ZMYND8: variants seen among roughly 807,000 people sequenced by gnomAD.
The protein encoded by ZMYND8 is MYND-type zinc finger-containing chromatin reader ZMYND8.
In ZMYND8, 37 loss-of-function variants were observed where a neutral mutation model predicts 140.8. The ratio of observed to expected loss-of-function variants is 0.26; its 90% CI spans 0.20 to 0.35. The LOEUF (loss-of-function observed/expected upper bound fraction) is 0.35, where lower values mean the gene tolerates loss of function less well. Ranked by LOEUF, ZMYND8 falls within the 10% of genes least tolerant of loss-of-function variation. ZMYND8 has a pLI of 1.00. For missense variants in ZMYND8, 1,068 were observed against 1,570.0 expected (o/e 0.68, Z 5.40); for synonymous variants, 592 against 597.1 (o/e 0.99, Z 0.12).
chr20:47,266,195 T>C (rs1053162830), intron 11 of ZMYND8, among the ~76,000 whole-genome samples: 1 of 148,132 alleles, frequency 6.8e-6, no homozygotes. Flanking sequence ...ACCTGCCTTG[T>C]CCTCCCAATA....
chr20:47,265,037 C>CAAAAAAAAAAA (rs1487791973), intron 11 of ZMYND8, among the ~76,000 whole-genome samples: 3 of 89,700 alleles, frequency 3.3e-5, no homozygotes, highest in African/African-American at 1.3e-4. Context: ...ACCCTGTCCC[C>CAAAAAAAAAAA]AAAAAAATAT....
chr20:47,286,120 C>A (rs1164641956), intron 8 of ZMYND8, among the ~76,000 whole-genome samples: 2 of 150,824 alleles, frequency 1.3e-5, no homozygotes, highest in Admixed American at 6.6e-5. Context: ...TGAGACCCTG[C>A]CTCAAAAAAT....
chr20:47,211,180 G>A (rs1271856436), intron 22 of ZMYND8, among the ~76,000 whole-genome samples: 1 of 152,224 alleles, frequency 6.6e-6, no homozygotes, highest in Non-Finnish European at 1.5e-5. Context: ...TGCCAAGGAA[G>A]GCATTTCTTG....
chr20:47,252,230 T>C (rs1292528669), intron 12 of ZMYND8, among the ~76,000 whole-genome samples: 1 of 141,248 alleles, frequency 7.1e-6, no homozygotes, highest in African/African-American at 2.7e-5. Flanking sequence ...GAGGCGAAGG[T>C]TGCAGTGAGC....
rs573963548 is a variant in ZMYND8, at chr20:47,240,241, G to A, written c.2285-1103C>T. Among the ~76,000 whole-genome samples, 4 of 146,144 alleles carry A rather than the reference G, an allele frequency of 2.7e-5. No homozygotes were observed. The East Asian group carries it at 8.5e-4, about 31-fold the overall frequency. Reference sequence around the variant, plus strand: ...AAAAAATATTACTAATAGGCCGGGCGCAGTGGCTCACGCCTGTAATCCCAA... The same window carrying A: ...AAAAAATATTACTAATAGGCCGGGCACAGTGGCTCACGCCTGTAATCCCAA... On this transcript the variant is annotated intron_variant, in intron 14 of 22. Transcript: ENST00000471951.
chr20:47,348,492 G>A (rs142007491), intron 1 of ZMYND8: 11 of 162,452 alleles, frequency 6.8e-5, no homozygotes, highest in Admixed American at 3.7e-4. Context: ...ACACTGAACC[G>A]AGGAGCACTG....
At chr20:47,355,002 C>G (rs181817554) in intron 1 of ZMYND8, among the ~76,000 whole-genome samples, 15 of 152,100 alleles carry the variant, frequency 9.9e-5, no homozygotes, top group Admixed American at 5.2e-4. Context: ...ATACATAAGT[C>G]CTAAAACATG....
chr20:47,249,857 A>G (rs1015530497), intron 12 of ZMYND8, among the ~76,000 whole-genome samples: 1 of 152,178 alleles, frequency 6.6e-6, no homozygotes, highest in Non-Finnish European at 1.5e-5. Flanking sequence ...ATTGAAGAGG[A>G]CTTGTATCCA....
At chr20:47,249,529 AT>A (rs2073998505) in intron 12 of ZMYND8, 90 bp from the exon 13 acceptor site, 3 of 1,520,482 alleles carry the variant, frequency 2.0e-6, no homozygotes, top group Non-Finnish European at 8.9e-7. Context: ...CAAAACACAC[AT>A]TTTAGAACAT....
intron 1 of ZMYND8, 184 bp downstream of exon 1, chr20:47,356,473 C>G: frequency 6.4e-7 from 1 of 1,572,254 alleles, no homozygotes; most frequent in Non-Finnish European, 8.6e-7. Context: ...CAAGCTATGG[C>G]TAATGGCTAC....
chr20:47,332,986 A>C (rs1220748652), intron 2 of ZMYND8, among the ~76,000 whole-genome samples: 4 of 152,200 alleles, frequency 2.6e-5, no homozygotes, highest in Non-Finnish European at 4.4e-5. Context: ...AAAGGAAATG[A>C]ACTACAGACC....
intron 2 of ZMYND8, among the ~76,000 whole-genome samples, chr20:47,311,766 A>T (rs1047775017): frequency 2.0e-5 from 3 of 152,198 alleles, no homozygotes; most frequent in Non-Finnish European, 2.9e-5. Context: ...GCTACTTGGG[A>T]GACTGAGGCA....
intron 16 of ZMYND8, among the ~76,000 whole-genome samples, chr20:47,233,714 C>T (rs1391497751): frequency 6.6e-6 from 1 of 152,146 alleles, no homozygotes; most frequent in Non-Finnish European, 1.5e-5. Context: ...GTAACCTCAC[C>T]GGGCTTCAGT....
intron 13 of ZMYND8, among the ~76,000 whole-genome samples, chr20:47,247,360 G>A (rs1183337547): frequency 2.6e-5 from 4 of 152,170 alleles, no homozygotes; most frequent in Non-Finnish European, 4.4e-5. Context: ...CCTCCCTCTT[G>A]TTCCCTGCAC....
At chr20:47,274,021 T>C (rs1283618848) in intron 11 of ZMYND8, among the ~76,000 whole-genome samples, 1 of 152,204 alleles carries the variant, frequency 6.6e-6, no homozygotes, top group Admixed American at 6.5e-5. Flanking sequence ...TAAAGTCTAC[T>C]CAAATGGGGG....
chr20:47,214,377 A>G (rs1258694429), intron 21 of ZMYND8, among the ~76,000 whole-genome samples: 1 of 152,176 alleles, frequency 6.6e-6, no homozygotes, highest in Non-Finnish European at 1.5e-5. Flanking sequence ...TCTCAGAATC[A>G]CTGCGGCACT....
At chr20:47,271,695 G>C (rs988092292) in intron 11 of ZMYND8, among the ~76,000 whole-genome samples, 1 of 151,996 alleles carries the variant, frequency 6.6e-6, no homozygotes, top group Non-Finnish European at 1.5e-5. Context: ...TTGACTGATC[G>C]ATTGAGATGG....
At chr20:47,215,866 A>G (rs905101213) in intron 21 of ZMYND8, among the ~76,000 whole-genome samples, 8 of 152,266 alleles carry the variant, frequency 5.3e-5, no homozygotes, top group Non-Finnish European at 8.8e-5. Context: ...CAGTGCAAAT[A>G]TAAGAACATG....
At chr20:47,219,533 A>AG (rs1323422497) in intron 21 of ZMYND8, among the ~76,000 whole-genome samples, 1 of 151,592 alleles carries the variant, frequency 6.6e-6, no homozygotes, top group East Asian at 1.9e-4. Flanking sequence ...CAAAAAAAAA[A>AG]AAAAATCATC....
Sources: allele counts gnomAD v4.1 joint callset (sites outside exome capture counted in the v4.1 genomes callset), GRCh38; gene constraint gnomAD v4.1.1; transcripts MANE v1.5; gene names NCBI Gene and HGNC (gene_info 2026-07-23, HGNC 2026-07-21).